AOPEP: variants seen among roughly 807,000 people sequenced by gnomAD.
The protein encoded by AOPEP is aminopeptidase O.
Under a neutral mutation model 98.1 loss-of-function variants are expected in AOPEP, and 77 were observed. That is an observed-to-expected ratio of 0.78 (90% CI 0.65 to 0.95). The LOEUF is 0.95. AOPEP is among the 40% of genes least tolerant of loss of function. The probability of loss-of-function intolerance (pLI) is 0.00; values close to 1 mark genes in which losing one functional copy is unlikely to be tolerated. For synonymous variants in AOPEP, 346 were observed against 365.3 expected, an observed-to-expected ratio of 0.95 and a Z score of 0.60; for missense variants, 1,024 against 1,024.7, an observed-to-expected ratio of 1.00 and a Z score of 0.01.
intron 6 of AOPEP, among the ~76,000 whole-genome samples, chr9:94,927,812 A>G (rs2054587792): frequency 6.6e-6 from 1 of 152,216 alleles, no homozygotes; most frequent in Non-Finnish European, 1.5e-5. Flanking sequence ...TTCCCTCCCC[A>G]GTGGGTGCTC....
chr9:95,086,244 TG>T, intron 16 of AOPEP: 4 of 1,241,968 alleles, frequency 3.2e-6, no homozygotes, highest in Non-Finnish European at 4.1e-6. Context: ...TCCTGCGGCG[TG>T]GGGGTTTGTA....
intron 5 of AOPEP, among the ~76,000 whole-genome samples, chr9:94,844,893 C>T (rs894072096): frequency 6.6e-6 from 1 of 151,892 alleles, no homozygotes; most frequent in African/African-American, 2.4e-5. Flanking sequence ...GTACAAGTTA[C>T]CTGAGTGAGT....
At chr9:95,086,480 T>G (rs894831944) in intron 16 of AOPEP, 2 of 985,242 alleles carry the variant, frequency 2.0e-6, no homozygotes, top group Non-Finnish European at 2.4e-6. Context: ...AGCCTGCTGG[T>G]GTCATGGCCA....
chr9:95,011,653 A>G (rs2062534727), intron 13 of AOPEP, among the ~76,000 whole-genome samples: 1 of 152,044 alleles, frequency 6.6e-6, no homozygotes, highest in South Asian at 2.1e-4. Context: ...TACAAAACAT[A>G]AAGGAAGTAA....
the AOPEP span, among the ~76,000 whole-genome samples, chr9:95,095,082 C>T: frequency 6.6e-6 from 1 of 152,234 alleles, no homozygotes; most frequent in African/African-American, 2.4e-5. Flanking sequence ...AGGATTTCCT[C>T]AGCTGTTACT....
chr9:94,782,592 A>G, intron 3 of AOPEP, among the ~76,000 whole-genome samples: 1 of 152,250 alleles, frequency 6.6e-6, no homozygotes, highest in East Asian at 1.9e-4. Flanking sequence ...ATAGTATGCA[A>G]CCAGGAATTA....
intron 5 of AOPEP, among the ~76,000 whole-genome samples, chr9:94,843,651 T>G (rs920090101): frequency 3.3e-5 from 5 of 152,228 alleles, no homozygotes; most frequent in African/African-American, 1.2e-4. Flanking sequence ...AAACCAAGTT[T>G]TTAGTGGATA....
At chr9:95,079,598 G>A (rs1222915644) in intron 14 of AOPEP, among the ~76,000 whole-genome samples, 1 of 152,232 alleles carries the variant, frequency 6.6e-6, no homozygotes, top group East Asian at 1.9e-4. Context: ...GCATGTGCCT[G>A]CAGCACCGAG....
downstream of AOPEP, among the ~76,000 whole-genome samples, chr9:95,089,697 C>T (rs1380941816): frequency 2.0e-5 from 3 of 152,186 alleles, no homozygotes; most frequent in African/African-American, 7.2e-5. Flanking sequence ...GGTGGGGGCA[C>T]GGGCTGCTTT....
chr9:94,988,991 C>G (rs535091218), intron 11 of AOPEP, among the ~76,000 whole-genome samples: 1 of 151,796 alleles, frequency 6.6e-6, no homozygotes, highest in Admixed American at 6.6e-5. Flanking sequence ...TCACTGCAAT[C>G]TCCGCCTCCT....
chr9:94,761,167 C>A (rs1838196123), intron 2 of AOPEP, among the ~76,000 whole-genome samples: 2 of 152,228 alleles, frequency 1.3e-5, no homozygotes, highest in Non-Finnish European at 2.9e-5. Flanking sequence ...TCCTCTGAGA[C>A]TGCACACTGG....
At chr9:94,891,458 T>C (rs1255187432) in intron 5 of AOPEP, among the ~76,000 whole-genome samples, 3 of 152,194 alleles carry the variant, frequency 2.0e-5, no homozygotes, top group Non-Finnish European at 4.4e-5. Flanking sequence ...ATTTTATGCT[T>C]GTTTTGTTAT....
chr9:94,736,813 A>G (rs1403880737), intron 1 of AOPEP, among the ~76,000 whole-genome samples: 2 of 152,174 alleles, frequency 1.3e-5, no homozygotes, highest in Non-Finnish European at 2.9e-5. Context: ...ACCTTATTTC[A>G]ACTGTGGTAC....
At chr9:95,042,591 C>T (rs116882789) in intron 13 of AOPEP, among the ~76,000 whole-genome samples, 6 of 152,160 alleles carry the variant, frequency 3.9e-5, no homozygotes, top group Non-Finnish European at 8.8e-5. Flanking sequence ...CACTTTCTTT[C>T]TGTAGGCTCT....
chr9:95,071,492 A>G (rs1456033248), intron 14 of AOPEP, among the ~76,000 whole-genome samples: 2 of 152,206 alleles, frequency 1.3e-5, no homozygotes, highest in African/African-American at 4.8e-5. Flanking sequence ...AATGTTTAAA[A>G]ATAAAGCAAG....
chr9:95,014,423 G>C (rs2062815144), intron 13 of AOPEP, among the ~76,000 whole-genome samples: 1 of 152,026 alleles, frequency 6.6e-6, no homozygotes, highest in South Asian at 2.1e-4. Context: ...TATAAGCCTA[G>C]ATCGTGCCAC....
intron 5 of AOPEP, among the ~76,000 whole-genome samples, chr9:94,837,762 A>G (rs905483040): frequency 6.6e-6 from 1 of 152,214 alleles, no homozygotes; most frequent in African/African-American, 2.4e-5. Flanking sequence ...ACATACCCCA[A>G]TGTAAATAAA....
the AOPEP span, among the ~76,000 whole-genome samples, chr9:95,147,873 T>C: frequency 6.6e-6 from 1 of 152,232 alleles, no homozygotes; most frequent in East Asian, 1.9e-4. Context: ...TGCTTGTACT[T>C]GTCTGGTATC....
chr9:95,066,871 T>G (rs944592947), intron 14 of AOPEP, among the ~76,000 whole-genome samples: 1 of 152,224 alleles, frequency 6.6e-6, no homozygotes, highest in Non-Finnish European at 1.5e-5. Flanking sequence ...GGACTTTAAT[T>G]GGTGCTTCTG....
Sources: gnomAD v4.1 joint callset for allele counts (sites outside exome capture counted in the v4.1 genomes callset) on GRCh38, gnomAD v4.1.1 for gene constraint, MANE v1.5 for transcripts, NCBI Gene and HGNC (gene_info 2026-07-23, HGNC 2026-07-21) for gene names.